The following CCNJ variants were observed in gnomAD, a reference collection of about 807,000 sequenced individuals.
CCNJ encodes cyclin-J.
A neutral mutation model predicts 41.4 loss-of-function variants in CCNJ; 12 were observed. The observed-to-expected ratio is 0.29, with a 90% confidence interval of 0.19 to 0.47. CCNJ has a LOEUF of 0.47. Among genes scored for constraint, CCNJ ranks in the 20% least tolerant of loss-of-function variants. CCNJ has a pLI of 1.00. For missense variants in CCNJ, 340 were observed against 464.6 expected (o/e 0.73, Z 2.47); for synonymous variants, 161 against 173.4 (o/e 0.93, Z 0.56).
chr10:96,058,802 C>A lies in CCNJ; in HGVS notation c.*561C>A, dbSNP rs1433970856. 1.5e-5 allele frequency: 4 copies of A among 272,904 alleles called. No individual in the cohort carries two copies. The highest frequency in any genetic ancestry group is 2.7e-5 in the Non-Finnish European group (4 of 148,012). 16.9% of individuals were successfully genotyped at this position (272,904 alleles called of 1,614,324 possible). On this transcript the variant is annotated 3_prime_UTR_variant, in exon 6 of 6. Transcript: ENST00000465148. ...GTAAAAAAAATTTTTTTAGATGATT[C>A]TATATAACTTCGTCTCACAAATAGT...
chr10:96,044,268 T>G, intron 1 of CCNJ, 85 bp from the exon 2 acceptor site: 1 of 574,642 alleles, frequency 1.7e-6, no homozygotes, highest in Non-Finnish European at 2.7e-6. Flanking sequence ...CCACACCGGG[T>G]GGCCTGAGGT....
chr10:96,051,483 G>A, intron 3 of CCNJ, among the ~76,000 whole-genome samples: 1 of 152,140 alleles, frequency 6.6e-6, no homozygotes, highest in East Asian at 1.9e-4. Context: ...GATAAAGATT[G>A]TATTTGATAT....
chr10:96,054,251 A>G (rs1475818338), intron 3 of CCNJ, among the ~76,000 whole-genome samples: 1 of 152,154 alleles, frequency 6.6e-6, no homozygotes, highest in Non-Finnish European at 1.5e-5. Flanking sequence ...TTTCCTTTCA[A>G]TTGAAGAAAC....
intron 3 of CCNJ, among the ~76,000 whole-genome samples, chr10:96,054,122 C>T (rs1013725936): frequency 2.0e-5 from 3 of 152,080 alleles, no homozygotes; most frequent in African/African-American, 7.2e-5. Context: ...GGAAAGACAA[C>T]CCAGTGTTTT....
Position 96,060,552 on chromosome 10 carries a change from T to G in CCNJ, c.*2311T>G, listed in dbSNP as rs1164109891. 1 of 152,146 alleles carries G rather than the reference T, an allele frequency of 6.6e-6. No individual in the cohort carries two copies. The highest frequency in any genetic ancestry group is 1.5e-5 in the Non-Finnish European group (1 of 67,922). The allele number at this position is 152,146 out of a possible 1,614,324, so 9.4% of individuals were successfully genotyped here. A position where few individuals can be genotyped will look rare whatever the true frequency, so the allele number is the denominator to read the frequency against. ...TTTCAATATAAATACAACTCACAAC[T>G]GCTAGCTTTGGGGGGTGGGGGAACA... On this transcript the variant is annotated 3_prime_UTR_variant, in exon 6 of 6. Coordinates refer to ENST00000465148, the MANE Select transcript of CCNJ (RefSeq NM_001134375.2).
upstream of CCNJ, chr10:96,043,468 C>A (rs1241417873): frequency 2.6e-6 from 1 of 385,342 alleles, no homozygotes; most frequent in Non-Finnish European, 4.6e-6. Flanking sequence ...CCCGGCCCGG[C>A]CGCCAATTGG....
In CCNJ at chr10:96,060,288, A is replaced by T. The variant is rs537481431; in HGVS notation, c.*2047A>T. ...TGAAACAACAGCCAGTGCCTGTGGT[A>T]ACTTAATGTCTTGTCAAATACTTTT... On this transcript the variant is annotated 3_prime_UTR_variant, in exon 6 of 6. Transcript: ENST00000465148. 2 of 152,786 alleles carry T rather than the reference A, an allele frequency of 1.3e-5. No individual in the cohort carries two copies. The highest frequency in any genetic ancestry group is 3.9e-4 in the East Asian group (2 of 5,190). 9.5% of individuals were successfully genotyped at this position (152,786 alleles called of 1,614,324 possible). A position where few individuals can be genotyped will look rare whatever the true frequency, so the allele number is the denominator to read the frequency against.
rs951251001 is a variant in CCNJ at position 96,059,132 on chromosome 10, T to C, written c.*891T>C. ...TAGTTCCTGTGATTCATAATACATA[T>C]GTAGGTTTTGCATATCTCAGTGCAA... On this transcript the variant is annotated 3_prime_UTR_variant, in exon 6 of 6. Coordinates refer to ENST00000465148, the MANE Select transcript of CCNJ (RefSeq NM_001134375.2). 1.3e-5 allele frequency: 2 copies of C among 152,618 alleles called. No homozygotes were observed. The highest frequency in any genetic ancestry group is 2.9e-5 in the Non-Finnish European group (2 of 68,034). 9.5% of individuals were successfully genotyped at this position (152,618 alleles called of 1,614,324 possible).
intron 2 of CCNJ, among the ~76,000 whole-genome samples, chr10:96,046,282 G>A (rs2080361137): frequency 6.6e-6 from 1 of 152,164 alleles, no homozygotes; most frequent in Non-Finnish European, 1.5e-5. Context: ...TTGTCTTTAT[G>A]TTTAAGCATT....
At position 96,056,893 on chromosome 10, in the gene CCNJ, C is replaced by G. The variant is rs779153538; in HGVS notation, c.473C>G (p.Ala158Gly). 51 of 1,614,108 alleles carry G rather than the reference C, an allele frequency of 3.2e-5. No homozygotes were observed. The highest frequency in any genetic ancestry group is 4.1e-5 in the Non-Finnish European group (48 of 1,179,958). ...TTCATTGAGTATTATCTCTCTGAAG[C>G]AGTACACGAAACAGATCTTCATGAC... ...AHFIEYYLSE[A>G]VHETDLHDGW... The change falls in exon 4 of 6, where the codon GCA becomes GGA. Residue 158 changes from alanine to glycine, a missense_variant. Transcript: ENST00000465148.
Position 96,058,121 on chromosome 10 carries a change from T to C in CCNJ, c.1032T>C (p.Thr344=). 1 of 1,614,232 alleles carries C rather than the reference T, an allele frequency of 6.2e-7. No individual in the cohort carries two copies. The highest frequency in any genetic ancestry group is 8.5e-7 in the Non-Finnish European group (1 of 1,180,036). ...TSVQGLGHMQ[T]GVGMSLAIPV... ...TTCAGGGCCTTGGGCACATGCAGAC[T>C]GGTGTTGGGATGTCACTGGCAATAC... The change falls in exon 6 of 6, where the codon ACT becomes ACC. Residue 344 remains threonine, a synonymous_variant. Transcript: ENST00000465148.
intron 3 of CCNJ, among the ~76,000 whole-genome samples, chr10:96,053,782 T>C (rs2142056355): frequency 6.6e-6 from 1 of 152,348 alleles, no homozygotes; most frequent in East Asian, 1.9e-4. Flanking sequence ...TACTGATGTG[T>C]GAAAATTTAT....
chr10:96,045,124 G>C (rs566750895), intron 2 of CCNJ, among the ~76,000 whole-genome samples: 1 of 152,312 alleles, frequency 6.6e-6, no homozygotes, highest in South Asian at 2.1e-4. Flanking sequence ...AAGGCAGAAA[G>C]TAGACTTAAT....
intron 3 of CCNJ, among the ~76,000 whole-genome samples, chr10:96,051,167 T>C (rs1259495081): frequency 3.3e-5 from 5 of 152,256 alleles, no homozygotes. Flanking sequence ...AACTGTGTAG[T>C]AGGCTCCAAG....
At position 96,050,516 on chromosome 10, in the gene CCNJ, A is replaced by G. The variant is rs1382709730; in HGVS notation, c.280+50A>G. On this transcript the variant is annotated intron_variant, in intron 3 of 5. Coordinates refer to ENST00000465148, the MANE Select transcript of CCNJ (RefSeq NM_001134375.2). ...ACTGGAAATTTCTGATGTTTATATA[A>G]TAAAATAAATTTATGTAGAACTCAG... 4 of 1,332,622 alleles carry G rather than the reference A, an allele frequency of 3.0e-6. No homozygotes were observed. In the Admixed American group the frequency reaches 5.2e-5, roughly 17 times the overall value. The allele number at this position is 1,332,622 out of a possible 1,614,324, so 82.5% of individuals were successfully genotyped here. A position where few individuals can be genotyped will look rare whatever the true frequency, so the allele number is the denominator to read the frequency against.
At chr10:96,044,328 A>G in intron 1 of CCNJ, 25 bp from the exon 2 acceptor site, 1 of 1,309,610 alleles carries the variant, frequency 7.6e-7, no homozygotes, top group Non-Finnish European at 1.0e-6. Context: ...GCCGGCAGTG[A>G]CCGCGCCTGG....
chr10:96,056,634 CT>C (rs1362292420), intron 3 of CCNJ, 66 bp from the exon 4 acceptor site: 6 of 1,184,380 alleles, frequency 5.1e-6, no homozygotes, highest in Non-Finnish European at 7.2e-6. Flanking sequence ...TCCCATTTTA[CT>C]GACTAGACCA....
rs201712540 is a variant in CCNJ at position 96,050,407 on chromosome 10, G to A, written c.221G>A (p.Arg74His). 10 of 1,614,046 alleles carry A rather than the reference G, an allele frequency of 6.2e-6. No homozygotes were observed. The highest frequency in any genetic ancestry group is 1.1e-5 in the South Asian group (1 of 91,076). The change falls in exon 3 of 6, where the codon CGC (arginine) becomes CAC (histidine). Residue 74 changes from arginine (R) to histidine (H), a missense_variant. This residue lies in a region of CCNJ where 137 missense variants were observed against 252.9 expected (regional missense o/e 0.54). Coordinates refer to ENST00000465148, the MANE Select transcript of CCNJ (RefSeq NM_001134375.2). ...TATTTACTGGACCTGTTTATGGACC[G>A]CTATGACATCTCTATCCAGCAGCTG... ...AVYLLDLFMDRYDISIQQLHL... is the reference protein window; with the variant it reads ...AVYLLDLFMDHYDISIQQLHL...
At chr10:96,051,039 A>G (rs1272812770) in intron 3 of CCNJ, among the ~76,000 whole-genome samples, 2 of 152,238 alleles carry the variant, frequency 1.3e-5, no homozygotes, top group South Asian at 2.1e-4. Flanking sequence ...CTGTCTTAAA[A>G]GTACCATATT....
Sources: allele counts gnomAD v4.1 joint callset (sites outside exome capture counted in the v4.1 genomes callset), GRCh38; gene constraint gnomAD v4.1.1; regional missense constraint gnomAD v4.1.1; transcripts MANE v1.5; gene names NCBI Gene and HGNC (gene_info 2026-07-23, HGNC 2026-07-21).